UQCC1: variants seen among roughly 807,000 people sequenced by gnomAD.
The protein encoded by UQCC1 is ubiquinol-cytochrome c reductase complex assembly factor 1, also known as bFGF-repressed Zic-binding protein.
UQCC1 carries 38 observed loss-of-function variants against 48.0 expected under a neutral mutation model. The ratio of observed to expected loss-of-function variants is 0.79; its 90% CI spans 0.61 to 1.04. UQCC1 has a LOEUF of 1.04. UQCC1 is among the 50% of genes least tolerant of loss of function. The pLI is 0.00. For missense variants in UQCC1, 368 were observed against 381.8 expected, an observed-to-expected ratio of 0.96 and a Z score of 0.30; for synonymous variants, 111 against 129.2, an observed-to-expected ratio of 0.86 and a Z score of 0.95.
At chr20:35,384,275 A>C in intron 2 of UQCC1, 142 bp from the exon 3 acceptor site, 1 of 638,100 alleles carries the variant, frequency 1.6e-6, no homozygotes, top group Non-Finnish European at 2.7e-6. Flanking sequence ...AGGAAGACCC[A>C]AGATCAGCAC....
Position 35,355,792 on chromosome 20 carries a change from T to C in UQCC1, c.465-8520A>G, listed in dbSNP as rs189065733. The stretch of plus-strand genomic sequence containing the variant: ...TAGGAATCCTTCCACATATAACCTA[T>C]ACACACACAAGTTTATGTATGTGTG... On this transcript the variant is annotated intron_variant, in intron 6 of 9. Transcript: ENST00000374385. Among the ~76,000 whole-genome samples, 101 of 152,224 alleles carry C rather than the reference T, an allele frequency of 6.6e-4. 1 individual carries two copies. The highest frequency in any genetic ancestry group is 1.6e-3 in the Admixed American group (25 of 15,280).
intron 6 of UQCC1, among the ~76,000 whole-genome samples, chr20:35,349,328 C>A (rs1334595970): frequency 6.6e-6 from 1 of 152,178 alleles, no homozygotes; most frequent in Non-Finnish European, 1.5e-5. Flanking sequence ...AATTCAGGAT[C>A]CTGCATTTGA....
intron 1 of UQCC1, among the ~76,000 whole-genome samples, chr20:35,402,684 T>A (rs2062185039): frequency 6.6e-6 from 1 of 151,980 alleles, no homozygotes; most frequent in Non-Finnish European, 1.5e-5. Flanking sequence ...TCCCAGCTAC[T>A]CAGGAGGCTG....
chr20:35,307,664 T>C (rs2060944034), intron 8 of UQCC1, among the ~76,000 whole-genome samples: 1 of 152,202 alleles, frequency 6.6e-6, no homozygotes, highest in Admixed American at 6.5e-5. Flanking sequence ...GATCAAGTCC[T>C]AATTCCACCT....
chr20:35,399,506 A>ATTTT (rs1363023588), intron 1 of UQCC1, among the ~76,000 whole-genome samples: 1 of 152,026 alleles, frequency 6.6e-6, no homozygotes, highest in South Asian at 2.1e-4. Context: ...CCTTGTAGTA[A>ATTTT]TTTTTTGGGA....
At chr20:35,345,474 G>A (rs576780662) in intron 7 of UQCC1, 1 of 152,318 alleles carries the variant, frequency 6.6e-6, no homozygotes, top group Middle Eastern at 3.4e-3. Flanking sequence ...CTGTGTAATT[G>A]TAATTGAGTG....
chr20:35,304,488 A>G (rs1387506294), intron 9 of UQCC1: 1 of 191,442 alleles, frequency 5.2e-6, no homozygotes, highest in Non-Finnish European at 1.1e-5. Flanking sequence ...GTCCCTTCCC[A>G]GTGCTGCTAC....
rs2061723872 is a variant in UQCC1, at chr20:35,371,026, G to A, written c.406+3158C>T. ...AGCCCTTCCTAGCCCACAATATTTT[G>A]TAACTCCTAAATGAGACAAATATAA... On this transcript the variant is annotated intron_variant, in intron 5 of 9. Transcript: ENST00000374385. Among the ~76,000 whole-genome samples the A allele has an allele frequency of 2.0e-5, 3 of 152,088 alleles. No individual in the cohort carries two copies. The South Asian group carries it at 6.2e-4, about 31-fold the overall frequency.
At chr20:35,378,377 G>C (rs1350472994) in intron 4 of UQCC1, among the ~76,000 whole-genome samples, 1 of 152,150 alleles carries the variant, frequency 6.6e-6, no homozygotes, top group Non-Finnish European at 1.5e-5. Context: ...ACTTTGAGAG[G>C]CCGAGGTGGG....
intron 4 of UQCC1, among the ~76,000 whole-genome samples, chr20:35,379,755 G>A (rs931716672): frequency 2.6e-5 from 4 of 152,126 alleles, no homozygotes; most frequent in African/African-American, 9.7e-5. Flanking sequence ...ACAGTAGGCT[G>A]AGATCACGCT....
At chr20:35,362,163 G>A (rs543847647) in intron 6 of UQCC1, among the ~76,000 whole-genome samples, 52 of 152,306 alleles carry the variant, frequency 3.4e-4, no homozygotes, top group African/African-American at 1.2e-3. Flanking sequence ...TTGTCAAGTG[G>A]AGAGGCGGGG....
At chr20:35,310,551 C>T (rs1370720959) in intron 8 of UQCC1, among the ~76,000 whole-genome samples, 1 of 140,546 alleles carries the variant, frequency 7.1e-6, no homozygotes, top group Non-Finnish European at 1.5e-5. Flanking sequence ...GAGGCTGAGG[C>T]AGGAGAATCC....
intron 7 of UQCC1, among the ~76,000 whole-genome samples, chr20:35,321,060 A>C (rs938940839): frequency 6.6e-6 from 1 of 152,174 alleles, no homozygotes; most frequent in African/African-American, 2.4e-5. Flanking sequence ...AGCCTATTTA[A>C]AGTTCAGGTT....
chr20:35,348,818 T>C (rs2061459444), intron 6 of UQCC1, among the ~76,000 whole-genome samples: 1 of 152,154 alleles, frequency 6.6e-6, no homozygotes, highest in Admixed American at 6.6e-5. Flanking sequence ...CACGCCCAGC[T>C]AATTTTTTAT....
At chr20:35,400,350 TTC>T (rs1198707411) in intron 1 of UQCC1, among the ~76,000 whole-genome samples, 1 of 152,164 alleles carries the variant, frequency 6.6e-6, no homozygotes, top group African/African-American at 2.4e-5. Context: ...ACATCTCAAC[TTC>T]TCCCAAGTTC....
chr20:35,316,129 T>C (rs969357810), intron 7 of UQCC1, among the ~76,000 whole-genome samples: 6 of 152,192 alleles, frequency 3.9e-5, no homozygotes, highest in African/African-American at 1.4e-4. Context: ...GTGCAATGTA[T>C]AGCACAGAGT....
intron 1 of UQCC1, among the ~76,000 whole-genome samples, chr20:35,409,804 G>A (rs1333090847): frequency 3.3e-5 from 4 of 121,122 alleles, no homozygotes; most frequent in Non-Finnish European, 7.4e-5. Flanking sequence ...AATGTTTCAG[G>A]AATACTTCTT....
rs147363398 is a variant in UQCC1, at chr20:35,320,579, C to G, written c.574-5814G>C. Among the ~76,000 whole-genome samples the G allele has an allele frequency of 8.6e-3, 1,310 of 152,276 alleles. 23 individuals carry two copies. The highest frequency in any genetic ancestry group is 0.03 in the African/African-American group (1,251 of 41,550). ...CTTGAGTAAACACAACTCAGAGATT[C>G]CAGTTCCAGTGGCAGCTAGAGACAG... On this transcript the variant is annotated intron_variant, in intron 7 of 9. Transcript: ENST00000374385.
chr20:35,364,766 G>C (rs770795411), intron 6 of UQCC1, among the ~76,000 whole-genome samples: 1 of 152,202 alleles, frequency 6.6e-6, no homozygotes, highest in Non-Finnish European at 1.5e-5. Flanking sequence ...GTAGTTTCAA[G>C]GTTCTCCCAT....
Sources: allele counts gnomAD v4.1 joint callset (sites outside exome capture counted in the v4.1 genomes callset), GRCh38; gene constraint gnomAD v4.1.1; transcripts MANE v1.5; gene names NCBI Gene and HGNC (gene_info 2026-07-23, HGNC 2026-07-21).